The following LSAMP variants were observed in gnomAD, a reference collection of about 807,000 sequenced individuals.
LSAMP encodes limbic system-associated membrane protein.
In LSAMP, 7 loss-of-function variants were observed where a neutral mutation model predicts 38.6. The ratio of observed to expected loss-of-function variants is 0.18; its 90% confidence interval spans 0.10 to 0.34. LSAMP has a LOEUF of 0.34. Among genes scored for constraint, LSAMP ranks in the 10% least tolerant of loss-of-function variants. The probability of loss-of-function intolerance (pLI) is 1.00; values close to 1 mark genes in which losing one functional copy is unlikely to be tolerated. For synonymous variants in LSAMP, 154 were observed against 166.8 expected (o/e 0.92, Z 0.59); for missense variants, 313 against 420.0 (o/e 0.75, Z 2.23).
In LSAMP at chr3:116,445,443, C is replaced by T; in HGVS notation, c.-412G>A. On this transcript the variant is annotated 5_prime_UTR_variant, in exon 1 of 7. Transcript: ENST00000490035. ...GCTGGCGGGCGGGCGGGCGAGGGAGCCGGCACCAAGCCTGCCAGTGAGTGT... is the reference window on the plus strand; with the variant it reads ...GCTGGCGGGCGGGCGGGCGAGGGAGTCGGCACCAAGCCTGCCAGTGAGTGT... The T allele has an allele frequency of 2.2e-6, 1 of 450,218 alleles. No individual in the cohort carries two copies. Among genetic ancestry groups the T allele is most frequent in the South Asian group, 5.9e-5 (1 of 16,860 alleles). 27.9% of individuals were successfully genotyped at this position (450,218 alleles called of 1,614,324 possible).
At chr3:115,931,325 T>C (rs1488306872) in intron 3 of LSAMP, among the ~76,000 whole-genome samples, 2 of 152,214 alleles carry the variant, frequency 1.3e-5, no homozygotes, top group Non-Finnish European at 2.9e-5. Flanking sequence ...TCACTAACGC[T>C]TCACTTTTCA....
chr3:116,193,050 G>A (rs60062033), intron 1 of LSAMP, among the ~76,000 whole-genome samples: 2,099 of 152,246 alleles, frequency 0.014, 38 homozygotes, highest in African/African-American at 0.041. Context: ...ATGAGGATGA[G>A]GGCGATGTTA....
chr3:115,896,830 T>C (rs1031159421), intron 3 of LSAMP, among the ~76,000 whole-genome samples: 1 of 152,074 alleles, frequency 6.6e-6, no homozygotes, highest in African/African-American at 2.4e-5. Context: ...GAAGAGGGCT[T>C]CTTTTTTTTA....
At chr3:116,358,993 T>A (rs891281571) in intron 1 of LSAMP, among the ~76,000 whole-genome samples, 2 of 152,208 alleles carry the variant, frequency 1.3e-5, no homozygotes, top group African/African-American at 2.4e-5. Flanking sequence ...TCACCACGTA[T>A]AAAATCTGTG....
At chr3:116,291,589 G>T (rs1002125129) in intron 1 of LSAMP, among the ~76,000 whole-genome samples, 1 of 152,144 alleles carries the variant, frequency 6.6e-6, no homozygotes, top group Non-Finnish European at 1.5e-5. Flanking sequence ...ACATTAGATT[G>T]GGAAATGACC....
chr3:116,304,591 A>T (rs569025755), intron 1 of LSAMP, among the ~76,000 whole-genome samples: 1 of 152,286 alleles, frequency 6.6e-6, no homozygotes, highest in East Asian at 1.9e-4. Flanking sequence ...TTCATCCCAA[A>T]TGAAGACAAA....
At chr3:116,413,902 C>CA (rs63646861) in intron 1 of LSAMP, among the ~76,000 whole-genome samples, 10,688 of 144,352 alleles carry the variant, frequency 0.074, 705 homozygotes, top group African/African-American at 0.18. Flanking sequence ...CAGAAAATTA[C>CA]AAAAAAAAAA....
chr3:116,433,198 G>T (rs1423745719), intron 1 of LSAMP, among the ~76,000 whole-genome samples: 1 of 152,070 alleles, frequency 6.6e-6, no homozygotes, highest in Non-Finnish European at 1.5e-5. Flanking sequence ...TACTTACTAT[G>T]CATGACTTAG....
At chr3:116,234,490 A>G (rs537144473) in intron 1 of LSAMP, among the ~76,000 whole-genome samples, 40 of 75,456 alleles carry the variant, frequency 5.3e-4, no homozygotes, top group African/African-American at 1.3e-3. Flanking sequence ...TATGAAATAA[A>G]TTAATCTACT....
intron 3 of LSAMP, among the ~76,000 whole-genome samples, chr3:115,914,920 G>A (rs932103247): frequency 2.6e-5 from 4 of 152,178 alleles, no homozygotes; most frequent in Non-Finnish European, 5.9e-5. Flanking sequence ...ATACTTAAAA[G>A]GTCTGTATCC....
rs554336528 is a variant in LSAMP at position 115,808,727 on chromosome 3, A to C, written c.*1590T>G. The C allele has an allele frequency of 1.9e-4, 29 of 152,362 alleles. No homozygotes were observed. The highest frequency in any genetic ancestry group is 5.8e-4 in the African/African-American group (24 of 41,586). 9.4% of individuals were successfully genotyped at this position (152,362 alleles called of 1,614,324 possible). ...CAGTGAAACAGAACAGGGATTATGC[A>C]GGCAACCAAATAAAACATTAACCTA... On this transcript the variant is annotated 3_prime_UTR_variant, in exon 7 of 7. Transcript: ENST00000490035.
intron 2 of LSAMP, among the ~76,000 whole-genome samples, chr3:116,038,745 A>G (rs2107713861): frequency 6.6e-6 from 1 of 152,334 alleles, no homozygotes; most frequent in East Asian, 1.9e-4. Flanking sequence ...AGTGCAAGTC[A>G]GAAAGACCAC....
In LSAMP at chr3:116,046,556, G is replaced by A. The variant is rs530937815; in HGVS notation, c.389-26916C>T. Among the ~76,000 whole-genome samples the A allele has an allele frequency of 5.9e-5, 9 of 152,302 alleles. No individual in the cohort carries two copies. The South Asian group carries it at 1.9e-3, about 32-fold the overall frequency. On this transcript the variant is annotated intron_variant, in intron 2 of 6. Coordinates refer to ENST00000490035, the MANE Select transcript of LSAMP (RefSeq NM_002338.5). Reference sequence around the variant, plus strand: ...TTAGGTAGGGAGGCACTGATTAGATGGGGAGCAGAGCTCAAAGGCCCTGGT... The same window carrying A: ...TTAGGTAGGGAGGCACTGATTAGATAGGGAGCAGAGCTCAAAGGCCCTGGT...
intron 4 of LSAMP, among the ~76,000 whole-genome samples, chr3:115,851,758 A>AGTCAG (rs1233697529): frequency 6.6e-6 from 1 of 152,220 alleles, no homozygotes; most frequent in Non-Finnish European, 1.5e-5. Flanking sequence ...AATGATGCAG[A>AGTCAG]GTCAGTGCTA....
intron 1 of LSAMP, among the ~76,000 whole-genome samples, chr3:116,437,381 T>C (rs761546230): frequency 6.6e-6 from 1 of 151,886 alleles, no homozygotes; most frequent in East Asian, 1.9e-4. Flanking sequence ...AAATACCACC[T>C]GTATCCCAAT....
At chr3:115,914,983 T>A (rs551484190) in intron 3 of LSAMP, among the ~76,000 whole-genome samples, 1 of 152,206 alleles carries the variant, frequency 6.6e-6, no homozygotes, top group East Asian at 1.9e-4. Flanking sequence ...AGAGGCAAGG[T>A]GGGGAGGGGT....
At chr3:116,199,418 A>T (rs528056731) in intron 1 of LSAMP, among the ~76,000 whole-genome samples, 1 of 152,240 alleles carries the variant, frequency 6.6e-6, no homozygotes, top group South Asian at 2.1e-4. Flanking sequence ...CCACAATATT[A>T]TGTTAGTTCA....
At chr3:116,418,117 T>C (rs1374023598) in intron 1 of LSAMP, among the ~76,000 whole-genome samples, 2 of 152,214 alleles carry the variant, frequency 1.3e-5, no homozygotes, top group Non-Finnish European at 2.9e-5. Context: ...GATTTTTTAG[T>C]TGGTCACTTT....
At chr3:116,086,105 T>G (rs1380211373) in intron 2 of LSAMP, among the ~76,000 whole-genome samples, 5 of 152,230 alleles carry the variant, frequency 3.3e-5, no homozygotes, top group African/African-American at 1.2e-4. Context: ...GAAAACATTC[T>G]CACCAATGTT....
Sources: allele counts gnomAD v4.1 joint callset (sites outside exome capture counted in the v4.1 genomes callset), GRCh38; gene constraint gnomAD v4.1.1; transcripts MANE v1.5; gene names NCBI Gene and HGNC (gene_info 2026-07-23, HGNC 2026-07-21).